Variants in PPP2R2B observed in about 807,000 individuals in gnomAD.
The protein encoded by PPP2R2B is protein phosphatase 2 regulatory subunit Bbeta.
A neutral mutation model predicts 46.0 loss-of-function variants in PPP2R2B; 5 were observed. The observed-to-expected ratio is 0.11, with a 90% CI of 0.06 to 0.23. PPP2R2B has a LOEUF of 0.23. Ranked by LOEUF, PPP2R2B falls within the 10% of genes least tolerant of loss-of-function variation. The pLI is 1.00. For synonymous variants in PPP2R2B, 215 were observed against 206.7 expected, an observed-to-expected ratio of 1.04 and a Z score of -0.34; for missense variants, 367 against 575.0, an observed-to-expected ratio of 0.64 and a Z score of 3.70.
chr5:147,030,537 T>C (rs376269229), intron 1 of PPP2R2B, among the ~76,000 whole-genome samples: 23 of 152,302 alleles, frequency 1.5e-4, no homozygotes, highest in African/African-American at 4.8e-4. Flanking sequence ...TTACAATTAA[T>C]GTAACTACCA....
At chr5:146,726,405 G>C (rs1751870843) in intron 2 of PPP2R2B, among the ~76,000 whole-genome samples, 1 of 152,044 alleles carries the variant, frequency 6.6e-6, no homozygotes. Flanking sequence ...GATTCTTTTG[G>C]GATTGTGCAG....
At chr5:146,912,592 C>T (rs1472812133) in intron 1 of PPP2R2B, among the ~76,000 whole-genome samples, 1 of 151,518 alleles carries the variant, frequency 6.6e-6, no homozygotes, top group Non-Finnish European at 1.5e-5. Flanking sequence ...CGGCTCACCA[C>T]AACCTGGGTT....
chr5:146,589,458 G>A lies in PPP2R2B; in HGVS notation c.*489C>T, dbSNP rs558451752. On this transcript the variant is annotated 3_prime_UTR_variant, in exon 10 of 10. Coordinates refer to ENST00000394411, the MANE Select transcript of PPP2R2B (RefSeq NM_181675.4). ...AAAATGGAAAAAAAAATGGTGGAGGGGCAGGAGATACTGACTAGTTCTGGT... is the reference window on the plus strand; with the variant it reads ...AAAATGGAAAAAAAAATGGTGGAGGAGCAGGAGATACTGACTAGTTCTGGT... 1 of 154,108 alleles carries A rather than the reference G, an allele frequency of 6.5e-6. No homozygotes were observed. The highest frequency in any genetic ancestry group is 1.4e-5 in the Non-Finnish European group (1 of 69,222). 9.5% of individuals were successfully genotyped at this position (154,108 alleles called of 1,614,324 possible).
At chr5:146,751,309 A>G (rs1477317703) in intron 2 of PPP2R2B, 1 of 152,242 alleles carries the variant, frequency 6.6e-6, no homozygotes, top group African/African-American at 2.4e-5. Context: ...CATAGAGTTC[A>G]GTGTTTCTCC....
intron 1 of PPP2R2B, among the ~76,000 whole-genome samples, chr5:146,926,001 T>C (rs1207804135): frequency 6.6e-6 from 1 of 152,204 alleles, no homozygotes; most frequent in Non-Finnish European, 1.5e-5. Context: ...ATAAATTCAA[T>C]ATCCTTATTA....
intron 1 of PPP2R2B, among the ~76,000 whole-genome samples, chr5:146,955,892 C>T (rs1440602004): frequency 1.3e-5 from 2 of 151,014 alleles, no homozygotes; most frequent in African/African-American, 4.9e-5. Flanking sequence ...AATTCTCCTG[C>T]CTCAGCCTCC....
chr5:146,906,306 C>CATTTATTTATTTATTT (rs35217325), intron 1 of PPP2R2B, among the ~76,000 whole-genome samples: 85 of 149,264 alleles, frequency 5.7e-4, no homozygotes, highest in African/African-American at 1.7e-3. Context: ...TACCATTTTC[C>CATTTATTTATTTATTT]ATTTATTTAT....
intron 2 of PPP2R2B, among the ~76,000 whole-genome samples, chr5:146,834,192 CAA>C (rs2151356913): frequency 6.6e-6 from 1 of 152,304 alleles, no homozygotes; most frequent in African/African-American, 2.4e-5. Context: ...CCATACTAGA[CAA>C]GGTCCTAGGT....
intron 1 of PPP2R2B, among the ~76,000 whole-genome samples, chr5:146,963,328 T>C (rs1250713897): frequency 6.6e-6 from 1 of 152,176 alleles, no homozygotes. Flanking sequence ...CTCCCAAACA[T>C]TTTTATTCTC....
chr5:146,790,607 A>T (rs1325083989), intron 2 of PPP2R2B, among the ~76,000 whole-genome samples: 3 of 152,192 alleles, frequency 2.0e-5, no homozygotes, highest in Non-Finnish European at 4.4e-5. Flanking sequence ...GTACAGAAAG[A>T]TACCCCAATG....
At chr5:146,666,608 C>G (rs1303918194) in intron 5 of PPP2R2B, among the ~76,000 whole-genome samples, 1 of 152,162 alleles carries the variant, frequency 6.6e-6, no homozygotes, top group Non-Finnish European at 1.5e-5. Context: ...TTTCTTTGCA[C>G]AACAGCACTT....
intron 7 of PPP2R2B, among the ~76,000 whole-genome samples, chr5:146,615,776 C>G (rs1773113148): frequency 2.0e-5 from 3 of 152,120 alleles, no homozygotes; most frequent in East Asian, 1.9e-4. Flanking sequence ...ATTCCACATT[C>G]ATGAATTGGA....
chr5:146,897,314 TC>T, intron 1 of PPP2R2B, among the ~76,000 whole-genome samples: 1 of 152,304 alleles, frequency 6.6e-6, no homozygotes, highest in South Asian at 2.1e-4. Context: ...TGCCCCCCGT[TC>T]CCACTGTTTA....
chr5:146,761,859 G>A (rs942560047), intron 2 of PPP2R2B, among the ~76,000 whole-genome samples: 3 of 152,078 alleles, frequency 2.0e-5, no homozygotes, highest in African/African-American at 7.2e-5. Context: ...TCCCTGGCTT[G>A]ATGAGGGATA....
chr5:146,797,261 A>G (rs1756596077), intron 2 of PPP2R2B, among the ~76,000 whole-genome samples: 1 of 152,220 alleles, frequency 6.6e-6, no homozygotes, highest in Non-Finnish European at 1.5e-5. Flanking sequence ...CATCACATAA[A>G]GCAAATAATT....
Position 146,640,718 on chromosome 5 carries a change from C to T in PPP2R2B, c.626-2303G>A, listed in dbSNP as rs115002645. ...CGCTGTGTGGGAGGGGGAGGTGCTA[C>T]AGCTACAGTTATTTTTTCCCACCTA... On this transcript the variant is annotated intron_variant, in intron 6 of 9. Transcript: ENST00000394411. Among the ~76,000 whole-genome samples the T allele has an allele frequency of 4.4e-3, 672 of 152,324 alleles. 10 individuals carry two copies. Among genetic ancestry groups the T allele is most frequent in the African/African-American group, 0.015 (612 of 41,568 alleles).
intron 7 of PPP2R2B, among the ~76,000 whole-genome samples, chr5:146,604,147 C>T (rs1772046933): frequency 1.3e-5 from 2 of 152,206 alleles, no homozygotes; most frequent in Non-Finnish European, 2.9e-5. Flanking sequence ...GTTTAGCAAT[C>T]ACACAAATGT....
chr5:146,701,586 A>G (rs1270667977), intron 2 of PPP2R2B, among the ~76,000 whole-genome samples: 1 of 152,176 alleles, frequency 6.6e-6, no homozygotes, highest in Non-Finnish European at 1.5e-5. Context: ...GGATGCTTGA[A>G]GCTTAGACAT....
intron 1 of PPP2R2B, among the ~76,000 whole-genome samples, chr5:146,925,608 T>A (rs1763756902): frequency 6.6e-6 from 1 of 152,234 alleles, no homozygotes; most frequent in African/African-American, 2.4e-5. Flanking sequence ...AATGATGTGT[T>A]CAAGTGTGGA....
Sources: allele counts gnomAD v4.1 joint callset (sites outside exome capture counted in the v4.1 genomes callset), GRCh38; gene constraint gnomAD v4.1.1; transcripts MANE v1.5; gene names NCBI Gene and HGNC (gene_info 2026-07-23, HGNC 2026-07-21).